The following GPM6B variants were observed in gnomAD, a reference collection of about 807,000 sequenced individuals.
GPM6B encodes the protein glycoprotein M6B.
GPM6B carries 4 observed loss-of-function variants against 27.2 expected under a neutral mutation model. The ratio of observed to expected loss-of-function variants is 0.15; its 90% CI spans 0.07 to 0.34. GPM6B has a LOEUF of 0.34. Among genes scored for constraint, GPM6B ranks in the 10% least tolerant of loss-of-function variants. The probability of loss-of-function intolerance (pLI) is 1.00; values close to 1 mark genes in which losing one functional copy is unlikely to be tolerated. For synonymous variants in GPM6B, 124 were observed against 103.1 expected (o/e 1.20, Z -1.23); for missense variants, 183 against 261.9 (o/e 0.70, Z 2.08).
chrX:13,776,774 ATGAC>A (rs1351923421), intron 6 of GPM6B, among the ~76,000 whole-genome samples: 1 of 112,542 alleles, frequency 8.9e-6, no homozygotes, highest in Admixed American at 9.4e-5. Context: ...TTACAAGCCA[ATGAC>A]TGAAGAATGT....
Position 13,799,190 on chromosome X carries a change from A to ATTTTTTTT in GPM6B, c.181+8452_181+8459dup, listed in dbSNP as rs763194245. Among the ~76,000 whole-genome samples, 16 of 35,969 alleles carry ATTTTTTTT rather than the reference A, an allele frequency of 4.4e-4. 2 individuals are homozygous for ATTTTTTTT. Among genetic ancestry groups the ATTTTTTTT allele is most frequent in the Non-Finnish European group, 5.1e-4 (11 of 21,474 alleles). The allele number at this position is 35,969 out of a possible 115,157, so 31.2% of individuals were successfully genotyped here. A position where few individuals can be genotyped will look rare whatever the true frequency, so the allele number is the denominator to read the frequency against. On this transcript the variant is annotated intron_variant, in intron 2 of 7. Transcript: ENST00000316715. ...CTAGAAACCTCGATTAGCCAACCTA[A>ATTTTTTTT]TTTTTTTTTTTTTTTTTTTTTTTTT...
At position 13,929,227 on chromosome X, in the gene GPM6B, A is replaced by T. The variant is rs1362758563; in HGVS notation, c.-198+9100T>A. 2.7e-5 allele frequency among the ~76,000 whole-genome samples: 3 copies of T among 111,763 alleles called. No homozygotes were observed. In the Admixed American group the frequency reaches 2.8e-4, roughly 11 times the overall value. ...GAAAACTATTTTAGTAAGCAAAAGG[A>T]TCTTCACAGATTCAGTCCTTTCAGA... On this transcript the variant is annotated intron_variant, in intron 1 of 6. Transcript: ENST00000398361.
chrX:13,901,153 C>G (rs1243640862), intron 1 of GPM6B, among the ~76,000 whole-genome samples: 1 of 111,822 alleles, frequency 8.9e-6, no homozygotes, highest in Non-Finnish European at 1.9e-5. Context: ...AAAGCATAAT[C>G]CTTCTCTTTC....
intron 1 of GPM6B, among the ~76,000 whole-genome samples, chrX:13,884,517 A>G (rs1168819998): frequency 8.9e-6 from 1 of 112,308 alleles, no homozygotes; most frequent in Non-Finnish European, 1.9e-5. Context: ...AGAGTAGTGA[A>G]TGGGGTTGTC....
Position 13,785,571 on chromosome X carries a change from A to G in GPM6B, c.368+51T>C, listed in dbSNP as rs371167318. 1.8e-5 allele frequency: 20 copies of G among 1,108,614 alleles called. No homozygotes were observed. In the African/African-American group the frequency reaches 3.4e-4, roughly 19 times the overall value. The allele number at this position is 1,108,614 out of a possible 1,213,427, so 91.4% of individuals were successfully genotyped here. A position where few individuals can be genotyped will look rare whatever the true frequency, so the allele number is the denominator to read the frequency against. On this transcript the variant is annotated intron_variant, in intron 3 of 7. Coordinates refer to ENST00000316715, the MANE Select transcript of GPM6B (RefSeq NM_001001995.3). ...CCAAATTGCTGGGATGACAGGCATG[A>G]GCCACCACGCCAGGCCTTAGATGCA...
chrX:13,869,247 T>C (rs2049950401), intron 1 of GPM6B, among the ~76,000 whole-genome samples: 1 of 111,226 alleles, frequency 9.0e-6, no homozygotes, highest in Admixed American at 9.5e-5. Context: ...TATGATTCAA[T>C]TTAAAATAAA....
chrX:13,772,803 C>T lies in GPM6B; in HGVS notation c.*78G>A, dbSNP rs1353963968. ...ACATCTACATTAGTTTGGTGGGATACACATCTGTACTGCAGAGCAGCTGTC... is the reference window on the plus strand; with the variant it reads ...ACATCTACATTAGTTTGGTGGGATATACATCTGTACTGCAGAGCAGCTGTC... On this transcript the variant is annotated 3_prime_UTR_variant, in exon 8 of 8. Coordinates refer to ENST00000316715, the MANE Select transcript of GPM6B (RefSeq NM_001001995.3). The T allele has an allele frequency of 2.0e-5, 19 of 953,252 alleles. No individual in the cohort carries two copies. Among genetic ancestry groups the T allele is most frequent in the Non-Finnish European group, 2.8e-5 (19 of 680,823 alleles). 78.6% of individuals were successfully genotyped at this position (953,252 alleles called of 1,213,427 possible).
chrX:13,936,484 T>C (rs1482634245), intron 1 of GPM6B, among the ~76,000 whole-genome samples: 1 of 112,135 alleles, frequency 8.9e-6, no homozygotes, highest in Non-Finnish European at 1.9e-5. Flanking sequence ...TTAAATCATT[T>C]CAATTAAAAC....
chrX:13,873,734 A>C (rs1376809391), intron 1 of GPM6B, among the ~76,000 whole-genome samples: 2 of 111,888 alleles, frequency 1.8e-5, no homozygotes, highest in Non-Finnish European at 3.8e-5. Context: ...GCTTCATTAC[A>C]TGTAAGTGCC....
At chrX:13,910,957 T>C (rs1199732981) in intron 1 of GPM6B, among the ~76,000 whole-genome samples, 2 of 112,333 alleles carry the variant, frequency 1.8e-5, no homozygotes, top group East Asian at 2.8e-4. Context: ...ATGGATGATA[T>C]ACATAATAGT....
chrX:13,859,226 C>A (rs1453834790), intron 1 of GPM6B, among the ~76,000 whole-genome samples: 1 of 112,126 alleles, frequency 8.9e-6, no homozygotes, highest in African/African-American at 3.2e-5. Context: ...TTTCCTAGTA[C>A]CTTTCTGCAG....
intron 1 of GPM6B, among the ~76,000 whole-genome samples, chrX:13,903,836 T>C (rs1021162652): frequency 9.0e-6 from 1 of 111,524 alleles, no homozygotes; most frequent in Non-Finnish European, 1.9e-5. Context: ...AAGGACTAGG[T>C]GGACTCATGC....
chrX:13,849,904 C>T (rs1198463649), intron 1 of GPM6B, among the ~76,000 whole-genome samples: 3 of 110,052 alleles, frequency 2.7e-5, no homozygotes, highest in African/African-American at 9.9e-5. Context: ...ACTAAAAATA[C>T]AAAAATTAGC....
intron 1 of GPM6B, among the ~76,000 whole-genome samples, chrX:13,813,493 A>T (rs943918462): frequency 3.6e-5 from 4 of 111,935 alleles, no homozygotes; most frequent in African/African-American, 1.3e-4. Context: ...GATTCATAGG[A>T]AGTTAACTAA....
intron 1 of GPM6B, among the ~76,000 whole-genome samples, chrX:13,810,099 C>T (rs754706498): frequency 9.9e-5 from 11 of 110,617 alleles, no homozygotes; most frequent in African/African-American, 3.6e-4. Context: ...GCCTGGGTGA[C>T]AGGGTGAGAC....
chrX:13,885,232 T>TA (rs2050123562), intron 1 of GPM6B, among the ~76,000 whole-genome samples: 1 of 112,133 alleles, frequency 8.9e-6, no homozygotes, highest in African/African-American at 3.2e-5. Flanking sequence ...AGGTATCATA[T>TA]AAAAAATAAA....
At chrX:13,931,824 C>A (rs1445158254) in intron 1 of GPM6B, among the ~76,000 whole-genome samples, 1 of 112,135 alleles carries the variant, frequency 8.9e-6, no homozygotes, top group East Asian at 2.8e-4. Flanking sequence ...ATGGCCAGGT[C>A]AGTTTCTTCA....
In GPM6B at chrX:13,904,076, C is replaced by G. The variant is rs771384718; in HGVS notation, c.-198+34251G>C. 2.7e-5 allele frequency among the ~76,000 whole-genome samples: 3 copies of G among 109,210 alleles called. No individual in the cohort carries two copies. The Admixed American group carries it at 2.9e-4, about 11-fold the overall frequency. 94.8% of individuals were successfully genotyped at this position (109,210 alleles called of 115,157 possible). A position where few individuals can be genotyped will look rare whatever the true frequency, so the allele number is the denominator to read the frequency against. On this transcript the variant is annotated intron_variant, in intron 1 of 6. Coordinates refer to the GPM6B transcript ENST00000398361. ...TTACAGAACAATGTTCTTAAATGCA[C>G]GAAAAAATATACATAGCATTAGAAA...
In GPM6B at chrX:13,854,087, T is replaced by G. The variant is rs749855149; in HGVS notation, c.-197-68279A>C. Among the ~76,000 whole-genome samples the G allele has an allele frequency of 1.5e-4, 17 of 111,398 alleles. No individual in the cohort carries two copies. The South Asian group carries it at 6.5e-3, about 42-fold the overall frequency. On this transcript the variant is annotated intron_variant, in intron 1 of 6. Coordinates refer to the GPM6B transcript ENST00000398361. ...AGCTGGTTTGAAACTATACCACCAG[T>G]GGCAGGAAGCAGATATGGCTTTGGG...
Sources: gnomAD v4.1 joint callset for allele counts (sites outside exome capture counted in the v4.1 genomes callset) on GRCh38, gnomAD v4.1.1 for gene constraint, MANE v1.5 for transcripts, NCBI Gene and HGNC (gene_info 2026-07-23, HGNC 2026-07-21) for gene names.